Variants in CWH43 observed in about 807,000 individuals in gnomAD.
CWH43 encodes PGAP2-interacting protein.
A neutral mutation model predicts 85.7 loss-of-function variants in CWH43; 91 were observed. The observed-to-expected ratio is 1.06, with a 90% confidence interval of 0.90 to 1.26. The LOEUF is 1.26. CWH43 is among the 50% of genes most tolerant of loss of function. CWH43 has a pLI of 0.00. For synonymous variants in CWH43, 323 were observed against 293.6 expected (o/e 1.10, Z -1.02); for missense variants, 869 against 839.2 (o/e 1.04, Z -0.44).
intron 14 of CWH43, 94 bp downstream of exon 14, chr4:49,044,941 A>G: frequency 1.1e-6 from 1 of 939,866 alleles, no homozygotes; most frequent in South Asian, 1.5e-5. Flanking sequence ...GGAAGCAATT[A>G]ATTTTTGTTG....
chr4:49,021,428 A>G (rs1783747723), intron 9 of CWH43, among the ~76,000 whole-genome samples: 1 of 152,138 alleles, frequency 6.6e-6, no homozygotes, highest in Admixed American at 6.5e-5. Flanking sequence ...TTTTTATACC[A>G]GTACCATGCT....
chr4:49,007,094 G>T, intron 7 of CWH43, 107 bp from the exon 8 acceptor site: 1 of 1,292,464 alleles, frequency 7.7e-7, no homozygotes, highest in Non-Finnish European at 1.0e-6. Context: ...ATCAGTACAT[G>T]AATTTCCAGG....
At chr4:48,995,225 G>A (rs1453383454) in intron 5 of CWH43, among the ~76,000 whole-genome samples, 2 of 152,182 alleles carry the variant, frequency 1.3e-5, no homozygotes, top group Non-Finnish European at 2.9e-5. Context: ...CCCCTGAGGA[G>A]ACTAGGTTGG....
At chr4:49,040,572 C>T (rs1336495906) in intron 13 of CWH43, among the ~76,000 whole-genome samples, 1 of 152,044 alleles carries the variant, frequency 6.6e-6, no homozygotes, top group African/African-American at 2.4e-5. Flanking sequence ...TATCCTTGGC[C>T]CACTTTTTGA....
intron 6 of CWH43, among the ~76,000 whole-genome samples, chr4:49,000,483 T>G (rs1782956425): frequency 6.6e-6 from 1 of 152,212 alleles, no homozygotes; most frequent in Admixed American, 6.5e-5. Context: ...TTTGTGAGAT[T>G]CCTCAGGAAA....
intron 6 of CWH43, among the ~76,000 whole-genome samples, chr4:49,001,157 C>A (rs1782976790): frequency 6.6e-6 from 1 of 152,104 alleles, no homozygotes; most frequent in African/African-American, 2.4e-5. Flanking sequence ...GATACAGGTG[C>A]TTTAAATGTT....
intron 13 of CWH43, among the ~76,000 whole-genome samples, chr4:49,039,349 AC>A (rs370642338): frequency 1.4e-3 from 53 of 38,316 alleles, no homozygotes; most frequent in Middle Eastern, 0.016. Flanking sequence ...GTATATATAT[AC>A]TGATATATAT....
chr4:49,020,015 G>A (rs565234257), intron 9 of CWH43, among the ~76,000 whole-genome samples: 4 of 152,078 alleles, frequency 2.6e-5, no homozygotes, highest in South Asian at 2.1e-4. Context: ...TTGTGATCAC[G>A]TTTTTTTCAA....
At chr4:48,997,816 A>C (rs1305050968) in intron 5 of CWH43, among the ~76,000 whole-genome samples, 1 of 152,228 alleles carries the variant, frequency 6.6e-6, no homozygotes, top group African/African-American at 2.4e-5. Context: ...AAATCTTAAA[A>C]TAGTGCCTGG....
chr4:49,009,737 G>A (rs1783291376), intron 8 of CWH43, among the ~76,000 whole-genome samples: 2 of 152,184 alleles, frequency 1.3e-5, no homozygotes, highest in Admixed American at 6.5e-5. Flanking sequence ...AGATAATCAC[G>A]TGGTTTTTGT....
intron 3 of CWH43, 34 bp from the exon 4 acceptor site, chr4:48,991,902 T>A: frequency 1.9e-6 from 3 of 1,582,630 alleles, no homozygotes; most frequent in Non-Finnish European, 2.6e-6. Flanking sequence ...TGAGTCCACA[T>A]AAAAAGTGTT....
chr4:49,041,650 T>C (rs368797776), intron 13 of CWH43, among the ~76,000 whole-genome samples: 1 of 152,296 alleles, frequency 6.6e-6, no homozygotes, highest in East Asian at 1.9e-4. Context: ...TATTTCTTTA[T>C]GTAAAAGTGT....
chr4:49,024,966 C>G (rs1783862500), intron 9 of CWH43, among the ~76,000 whole-genome samples: 1 of 151,932 alleles, frequency 6.6e-6, no homozygotes, highest in Non-Finnish European at 1.5e-5. Context: ...TTAGATTTTT[C>G]TTCTTCCTTG....
Position 49,039,306 on chromosome 4 carries a change from GATATATATATATAT to G in CWH43, c.1803+1140_1803+1153del, listed in dbSNP as rs71600797. ...ACACAAATCAAATTCTCAGGAGACTGATATATATATATATATATATATATATACTGATGTATATA... is the reference window on the plus strand; with the variant it reads ...ACACAAATCAAATTCTCAGGAGACTGATATATATATATACTGATGTATATA... On this transcript the variant is annotated intron_variant, in intron 13 of 15. Coordinates refer to ENST00000226432, the MANE Select transcript of CWH43 (RefSeq NM_025087.3). Among the ~76,000 whole-genome samples, 43 of 4,602 alleles carry G rather than the reference GATATATATATATAT, an allele frequency of 9.3e-3. 10 individuals carry two copies. In the South Asian group the frequency reaches 0.16, roughly 17 times the overall value. 3.0% of individuals were successfully genotyped at this position (4,602 alleles called of 152,430 possible).
intron 10 of CWH43, among the ~76,000 whole-genome samples, chr4:49,030,007 A>G (rs1188649678): frequency 6.6e-6 from 1 of 152,010 alleles, no homozygotes; most frequent in East Asian, 1.9e-4. Context: ...TTCTTTCTCT[A>G]TACTTTGTCT....
chr4:49,058,040 CTTAT>C (rs1387919816), intron 15 of CWH43, among the ~76,000 whole-genome samples: 3 of 152,064 alleles, frequency 2.0e-5, no homozygotes, highest in Admixed American at 6.5e-5. Flanking sequence ...TTTCTTATAA[CTTAT>C]TTTTTTCACT....
At chr4:49,000,907 C>T (rs948580417) in intron 6 of CWH43, among the ~76,000 whole-genome samples, 1 of 152,170 alleles carries the variant, frequency 6.6e-6, no homozygotes, top group African/African-American at 2.4e-5. Flanking sequence ...GGCCATAATT[C>T]ACCAGCTTCA....
At chr4:48,997,250 G>T in intron 5 of CWH43, among the ~76,000 whole-genome samples, 1 of 146,312 alleles carries the variant, frequency 6.8e-6, no homozygotes, top group African/African-American at 2.5e-5. Flanking sequence ...GTAGAGGCAA[G>T]GTCTCACTAT....
At chr4:49,039,339 G>GATATATATATATATTA (rs1784375807) in intron 13 of CWH43, among the ~76,000 whole-genome samples, 1 of 5,530 alleles carries the variant, frequency 1.8e-4, no homozygotes, top group Non-Finnish European at 4.7e-4. Context: ...ATATACTGAT[G>GATATATATATATATTA]TATATATATA....
Sources: gnomAD v4.1 joint callset for allele counts (sites outside exome capture counted in the v4.1 genomes callset) on GRCh38, gnomAD v4.1.1 for gene constraint, MANE v1.5 for transcripts, NCBI Gene and HGNC (gene_info 2026-07-23, HGNC 2026-07-21) for gene names.